TCOF1: variants seen among roughly 807,000 people sequenced by gnomAD.
The protein encoded by TCOF1 is treacle protein.
In TCOF1, 33 loss-of-function variants were observed where a neutral mutation model predicts 149.0. The observed-to-expected ratio is 0.22, with a 90% confidence interval of 0.17 to 0.30. TCOF1 has a LOEUF of 0.30. TCOF1 is among the 10% of genes least tolerant of loss of function. The pLI, the probability that TCOF1 is intolerant of heterozygous loss-of-function variation, is 1.00. For missense variants in TCOF1, 1,728 were observed against 1,840.7 expected (o/e 0.94, Z 1.12); for synonymous variants, 789 against 738.8 (o/e 1.07, Z -1.10).
Position 150,376,317 on chromosome 5 carries a change from T to C in TCOF1, c.2129T>C (p.Val710Ala), listed in dbSNP as rs1763791799. ...GAGGAAGAGAAGACAGGTCTTGCAG[T>C]AACCGTGGGACAGGTGAGGCCTGTG... Reference protein sequence around the residue: ...DSEEEKTGLAVTVGQAKSVGK... With the variant: ...DSEEEKTGLAATVGQAKSVGK... Residue 710 changes from valine (V) to alanine (A), a missense_variant, in exon 13 of 27, where the codon GTA (valine) becomes GCA (alanine). Val to Ala is a moderately conservative substitution (Grantham distance 64). This residue lies in a region of TCOF1 where 1,696 missense variants were observed against 1,765.4 expected (regional missense o/e 0.96). Transcript: ENST00000643257. 1 of 1,614,020 alleles carries C rather than the reference T, an allele frequency of 6.2e-7. No homozygotes were observed. The highest frequency in any genetic ancestry group is 1.3e-5 in the African/African-American group (1 of 74,928).
chr5:150,359,804 T>C (rs549309157), intron 1 of TCOF1, among the ~76,000 whole-genome samples: 1 of 152,242 alleles, frequency 6.6e-6, no homozygotes, highest in Admixed American at 6.5e-5. Flanking sequence ...GTTAATGATA[T>C]AGTATATCCA....
At chr5:150,358,431 C>T (rs1343925885) in intron 1 of TCOF1, among the ~76,000 whole-genome samples, 1 of 152,116 alleles carries the variant, frequency 6.6e-6, no homozygotes, top group Non-Finnish European at 1.5e-5. Flanking sequence ...TCCTGGTGTT[C>T]GAATGGTGAG....
chr5:150,361,265 G>T, intron 2 of TCOF1, 54 bp downstream of exon 2: 3 of 1,604,268 alleles, frequency 1.9e-6, no homozygotes, highest in Admixed American at 1.7e-5. Flanking sequence ...AAGCAACTCA[G>T]CTTGGAATAA....
chr5:150,378,782 C>CA, intron 14 of TCOF1, 123 bp from the exon 15 acceptor site: 1 of 1,397,104 alleles, frequency 7.2e-7, no homozygotes, highest in Non-Finnish European at 1.0e-6. Context: ...CTCAGGTTCA[C>CA]ACGCCTATTG....
rs1426394572 is a variant in TCOF1, at chr5:150,382,963, GA to G, written c.2859+3234del. The G allele has an allele frequency of 4.0e-6, 4 of 990,980 alleles. No homozygotes were observed. The Admixed American group carries it at 1.1e-4, about 27-fold the overall frequency. The allele number at this position is 990,980 out of a possible 1,614,324, so 61.4% of individuals were successfully genotyped here. ...GGAAGGGGCCACGCTGCCTCCCCTGGAAACCAGAGTGCCTGAGGGTCATTGC... is the reference window on the plus strand; with the variant it reads ...GGAAGGGGCCACGCTGCCTCCCCTGGAACCAGAGTGCCTGAGGGTCATTGC... On this transcript the variant is annotated intron_variant, in intron 17 of 26. Transcript: ENST00000643257.
At chr5:150,394,436 A>G (rs1192243460) in intron 23 of TCOF1, 1 of 152,322 alleles carries the variant, frequency 6.6e-6, no homozygotes, top group East Asian at 1.9e-4. Context: ...GTGTCAAGGC[A>G]TGGCACATGT....
chr5:150,389,146 T>C (rs1766889170), intron 18 of TCOF1, among the ~76,000 whole-genome samples: 1 of 152,220 alleles, frequency 6.6e-6, no homozygotes, highest in Admixed American at 6.5e-5. Context: ...TATGTGTGTG[T>C]ATATTTTTTT....
At chr5:150,369,200 C>T (rs1305833110) in intron 5 of TCOF1, among the ~76,000 whole-genome samples, 1 of 152,214 alleles carries the variant, frequency 6.6e-6, no homozygotes, top group Non-Finnish European at 1.5e-5. Context: ...CCTGATTTGC[C>T]TCTGTTTCCT....
intron 17 of TCOF1, chr5:150,383,984 C>G (rs1270588715): frequency 4.3e-6 from 6 of 1,409,146 alleles, no homozygotes; most frequent in East Asian, 5.1e-5. Flanking sequence ...ACCCTTTGTC[C>G]TCCTCTAGCC....
chr5:150,399,109 G>A (rs1769232494), intron 26 of TCOF1, 39 bp downstream of exon 26: 1 of 1,613,432 alleles, frequency 6.2e-7, no homozygotes, highest in Non-Finnish European at 8.5e-7. Context: ...CAGGGTGGGA[G>A]GACAGCTCTG....
intron 23 of TCOF1, chr5:150,393,821 C>A (rs1221938994): frequency 1.2e-5 from 6 of 490,078 alleles, no homozygotes; most frequent in Non-Finnish European, 2.2e-5. Flanking sequence ...CAAGGCCAGC[C>A]TGGGCAACAC....
chr5:150,389,485 G>A (rs1766963081), intron 18 of TCOF1, among the ~76,000 whole-genome samples: 1 of 152,222 alleles, frequency 6.6e-6, no homozygotes, highest in Non-Finnish European at 1.5e-5. Flanking sequence ...GGAGTTGGCT[G>A]TTATAAACAG....
At chr5:150,378,594 G>T in intron 14 of TCOF1, 1 of 395,970 alleles carries the variant, frequency 2.5e-6, no homozygotes. Context: ...AGGTAGTCTT[G>T]TGCTTAGCTA....
chr5:150,364,605 C>T (rs1305245035), intron 3 of TCOF1, among the ~76,000 whole-genome samples: 2 of 152,196 alleles, frequency 1.3e-5, no homozygotes, highest in Admixed American at 6.5e-5. Context: ...AAGCAGCTAG[C>T]GGACACATTT....
At chr5:150,370,132 A>G (rs910850750) in intron 6 of TCOF1, among the ~76,000 whole-genome samples, 5 of 152,146 alleles carry the variant, frequency 3.3e-5, no homozygotes, top group African/African-American at 1.2e-4. Flanking sequence ...TTTATTGTGT[A>G]CCTACTAAGT....
rs2150799816 is a variant in TCOF1 at position 150,379,020 on chromosome 5, C to T, written c.2456C>T (p.Ala819Val). 6.2e-7 allele frequency: 1 copy of T among 1,614,032 alleles called. No individual in the cohort carries two copies. ...PGKVVTAAAQ[A>V]KQRSPSKVKP... ...AAAGTTGTCACTGCAGCTGCTCAAGCCAAGCAGAGGTCTCCATCCAAGGCA... is the reference window on the plus strand; with the variant it reads ...AAAGTTGTCACTGCAGCTGCTCAAGTCAAGCAGAGGTCTCCATCCAAGGCA... Residue 819 changes from alanine (A) to valine (V), a missense_variant, in exon 15 of 27, where the codon GCC becomes GTC. Ala to Val is a moderately conservative substitution (Grantham distance 64, BLOSUM62 0). This residue lies in a region of TCOF1 where 1,696 missense variants were observed against 1,765.4 expected (regional missense o/e 0.96). Transcript: ENST00000643257.
Position 150,388,084 on chromosome 5 carries a change from T to C in TCOF1, c.3042T>C (p.Thr1014=). 3 of 1,613,138 alleles carry C rather than the reference T, an allele frequency of 1.9e-6. No individual in the cohort carries two copies. Among genetic ancestry groups the C allele is most frequent in the Non-Finnish European group, 2.5e-6 (3 of 1,179,942 alleles). ...EDVIPATQCL[T]PGIRTNVVTM... ...TGATCCCCGCTACACAGTGCTTGAC[T>C]CCTGGTGAGCGCAGCCCTTATGCAG... is the stretch of plus-strand genomic sequence containing the variant. The change falls in exon 18 of 27, where the codon ACT becomes ACC. Residue 1014 remains threonine (T), a synonymous_variant. Transcript: ENST00000643257.
Position 150,378,906 on chromosome 5 carries a change from T to G in TCOF1, c.2342T>G (p.Val781Gly). 6.2e-7 allele frequency: 1 copy of G among 1,613,956 alleles called. No homozygotes were observed. Among genetic ancestry groups the G allele is most frequent in the Non-Finnish European group, 8.5e-7 (1 of 1,180,010 alleles). Residue 781 changes from valine (V) to glycine (G), a missense_variant and splice_region_variant, in exon 15 of 27, where the codon GTG (valine) becomes GGG (glycine). This residue lies in a region of TCOF1 where 1,696 missense variants were observed against 1,765.4 expected (regional missense o/e 0.96). Coordinates refer to ENST00000643257, the MANE Select transcript of TCOF1 (RefSeq NM_001371623.1). The stretch of plus-strand genomic sequence containing the variant: ...CTTAATTCCCTTTTCTCCACTCAGG[T>G]GAAAACCTCAGTAAAGAAAACCCAG... Reference protein sequence around the residue: ...SEEAAASPAQVKTSVKKTQAK... With the variant: ...SEEAAASPAQGKTSVKKTQAK...
At chr5:150,379,146 C>T in intron 15 of TCOF1, 83 bp from the exon 16 acceptor site, 2 of 1,613,896 alleles carry the variant, frequency 1.2e-6, no homozygotes, top group South Asian at 1.1e-5. Context: ...GCAGGCCACC[C>T]ACCCAGAGTT....
Sources: allele counts gnomAD v4.1 joint callset (sites outside exome capture counted in the v4.1 genomes callset), GRCh38; gene constraint gnomAD v4.1.1; regional missense constraint gnomAD v4.1.1; transcripts MANE v1.5; gene names NCBI Gene and HGNC (gene_info 2026-07-23, HGNC 2026-07-21).